CASQ2: variants seen among roughly 807,000 people sequenced by gnomAD.
The protein encoded by CASQ2 is calsequestrin 2, also known as calsequestrin-2.
Under a neutral mutation model 46.5 loss-of-function variants are expected in CASQ2, and 49 were observed. The observed-to-expected ratio is 1.05, with a 90% confidence interval of 0.84 to 1.34. CASQ2 has a LOEUF of 1.34. CASQ2 is among the 40% of genes most tolerant of loss of function. CASQ2 has a pLI of 0.00. For missense variants in CASQ2, 486 were observed against 481.3 expected (o/e 1.01, Z -0.09); for synonymous variants, 174 against 168.5 (o/e 1.03, Z -0.25).
chr1:115,758,693 G>A (rs1289720377), intron 1 of CASQ2, among the ~76,000 whole-genome samples: 1 of 152,088 alleles, frequency 6.6e-6, no homozygotes, highest in Non-Finnish European at 1.5e-5. Context: ...TCTGAGAGTT[G>A]GTTGTTAAAA....
Position 115,759,127 on chromosome 1 carries a change from GA to G in CASQ2, c.234+9180del, listed in dbSNP as rs1328540435. ...AAGTGAGTTCTTATCATCAATAAAA[GA>G]GGGACATTTCCCTAGACACTGGGGC... On this transcript the variant is annotated intron_variant, in intron 1 of 10. Transcript: ENST00000261448. Among the ~76,000 whole-genome samples the G allele has an allele frequency of 2.6e-5, 4 of 152,212 alleles. No homozygotes were observed. The South Asian group carries it at 8.3e-4, about 32-fold the overall frequency.
intron 1 of CASQ2, among the ~76,000 whole-genome samples, chr1:115,766,233 GC>G (rs1046705954): frequency 2.8e-4 from 42 of 152,312 alleles, no homozygotes; most frequent in Middle Eastern, 3.4e-3. Context: ...CTACCCAGAA[GC>G]CCCTTGGGCG....
Position 115,717,917 on chromosome 1 carries a change from G to GT in CASQ2, c.784-24dup, listed in dbSNP as rs755949651. The GT allele has an allele frequency of 1.4e-5, 21 of 1,544,124 alleles. No individual in the cohort carries two copies. In the Admixed American group the frequency reaches 3.2e-4, roughly 23 times the overall value. ...TTCCTGTATGAGAAAAGTAACAAAA[G>GT]TTACACTTCCAGCTGGAGGGATGCA... On this transcript the variant is annotated intron_variant, in intron 7 of 10. Transcript: ENST00000261448.
At position 115,701,161 on chromosome 1, in the gene CASQ2, A is replaced by G; in HGVS notation, c.*80T>C. 3 of 1,611,512 alleles carry G rather than the reference A, an allele frequency of 1.9e-6. No homozygotes were observed. Among genetic ancestry groups the G allele is most frequent in the Non-Finnish European group, 2.5e-6 (3 of 1,179,288 alleles). ...AGGAGCTGGCTGGGTGTGGGGCAGAATTGCTTGCTGCCACCTTGTGCTGTC... is the reference window on the plus strand; with the variant it reads ...AGGAGCTGGCTGGGTGTGGGGCAGAGTTGCTTGCTGCCACCTTGTGCTGTC... On this transcript the variant is annotated 3_prime_UTR_variant, in exon 11 of 11. Transcript: ENST00000261448.
intron 2 of CASQ2, among the ~76,000 whole-genome samples, chr1:115,743,639 G>A (rs1648273381): frequency 1.3e-5 from 2 of 151,238 alleles, no homozygotes; most frequent in South Asian, 2.1e-4. Flanking sequence ...TAATTTTCCA[G>A]GATAACGGAC....
At chr1:115,735,193 C>A (rs1052502276) in intron 4 of CASQ2, among the ~76,000 whole-genome samples, 1 of 152,166 alleles carries the variant, frequency 6.6e-6, no homozygotes, top group Non-Finnish European at 1.5e-5. Flanking sequence ...AATCTGCATT[C>A]CACAAAAAGG....
chr1:115,764,323 A>G (rs1359193911), intron 1 of CASQ2, among the ~76,000 whole-genome samples: 1 of 152,234 alleles, frequency 6.6e-6, no homozygotes, highest in Non-Finnish European at 1.5e-5. Flanking sequence ...AATACAATAT[A>G]TGGATGTGAA....
At chr1:115,744,125 C>G (rs749328306) in intron 2 of CASQ2, among the ~76,000 whole-genome samples, 1 of 140,322 alleles carries the variant, frequency 7.1e-6, no homozygotes, top group Non-Finnish European at 1.5e-5. Context: ...GCCTGGGTGA[C>G]AGTGAGAACC....
intron 7 of CASQ2, among the ~76,000 whole-genome samples, chr1:115,719,079 G>A (rs1039976443): frequency 2.0e-5 from 3 of 152,038 alleles, no homozygotes; most frequent in African/African-American, 4.8e-5. Context: ...TAATGCTGGC[G>A]CAATCCTATC....
intron 1 of CASQ2, among the ~76,000 whole-genome samples, chr1:115,762,547 C>A (rs930247264): frequency 2.6e-5 from 4 of 152,176 alleles, no homozygotes; most frequent in African/African-American, 4.8e-5. Context: ...ACATGGCTAA[C>A]AGCATCAATT....
Position 115,728,830 on chromosome 1 carries a change from G to A in CASQ2, c.607-1708C>T, listed in dbSNP as rs148174681. On this transcript the variant is annotated intron_variant, in intron 5 of 10. Transcript: ENST00000261448. ...GGGAGCAGAGCCAGAAGTCAAACCC[G>A]CCTGGTGGTGGTGATAGTCTCGTCT... 4.1e-4 allele frequency among the ~76,000 whole-genome samples: 62 copies of A among 152,130 alleles called. No homozygotes were observed. In the South Asian group the frequency reaches 5.8e-3, roughly 14 times the overall value.
chr1:115,743,989 A>C (rs1473251730), intron 2 of CASQ2, among the ~76,000 whole-genome samples: 1 of 151,744 alleles, frequency 6.6e-6, no homozygotes, highest in East Asian at 1.9e-4. Context: ...ATACAAAAAA[A>C]AAAAATGAAC....
At chr1:115,728,997 C>T (rs1647689730) in intron 5 of CASQ2, among the ~76,000 whole-genome samples, 1 of 148,296 alleles carries the variant, frequency 6.7e-6, no homozygotes, top group Admixed American at 6.7e-5. Flanking sequence ...TCATGGAGTG[C>T]TCTCATCTTG....
intron 8 of CASQ2, among the ~76,000 whole-genome samples, chr1:115,715,724 A>G (rs1200374038): frequency 1.3e-5 from 2 of 152,220 alleles, no homozygotes; most frequent in African/African-American, 4.8e-5. Flanking sequence ...TTATATGATA[A>G]AAAATGTGGG....
At chr1:115,757,337 C>A (rs1390532446) in intron 1 of CASQ2, among the ~76,000 whole-genome samples, 1 of 152,166 alleles carries the variant, frequency 6.6e-6, no homozygotes, top group East Asian at 1.9e-4. Flanking sequence ...AAAGTGAGCA[C>A]CTCCTGAGAA....
intron 1 of CASQ2, among the ~76,000 whole-genome samples, chr1:115,761,659 C>T (rs1379503929): frequency 6.6e-6 from 1 of 150,930 alleles, no homozygotes; most frequent in African/African-American, 2.4e-5. Context: ...AGACCGAGGC[C>T]CGAAGGAAGA....
In CASQ2 at chr1:115,725,360, C is replaced by T; in HGVS notation, c.783+148G>A. The T allele has an allele frequency of 3.2e-6, 3 of 928,190 alleles. No individual in the cohort carries two copies. In the Admixed American group the frequency reaches 5.3e-5, roughly 16 times the overall value. 57.5% of individuals were successfully genotyped at this position (928,190 alleles called of 1,614,324 possible). On this transcript the variant is annotated intron_variant, in intron 7 of 10. Transcript: ENST00000261448. ...GGGATTACAGTTCTGAGCCGTCGTACCCAATCTGTCCATGTTTCAAATACT... is the reference window on the plus strand; with the variant it reads ...GGGATTACAGTTCTGAGCCGTCGTATCCAATCTGTCCATGTTTCAAATACT...
chr1:115,704,875 T>A (rs1325176270), intron 9 of CASQ2, among the ~76,000 whole-genome samples: 1 of 152,184 alleles, frequency 6.6e-6, no homozygotes, highest in Non-Finnish European at 1.5e-5. Context: ...ATAAAAGTAG[T>A]TCTGGGGACT....
At chr1:115,734,340 C>G (rs112623260) in intron 4 of CASQ2, among the ~76,000 whole-genome samples, 1 of 152,172 alleles carries the variant, frequency 6.6e-6, no homozygotes, top group Non-Finnish European at 1.5e-5. Context: ...ATCCCCATGT[C>G]CCTGATGAAT....
Sources: gnomAD v4.1 joint callset for allele counts (sites outside exome capture counted in the v4.1 genomes callset) on GRCh38, gnomAD v4.1.1 for gene constraint, MANE v1.5 for transcripts, NCBI Gene and HGNC (gene_info 2026-07-23, HGNC 2026-07-21) for gene names.